The following ADGRV1 variants were observed in gnomAD, a reference collection of about 807,000 sequenced individuals.
ADGRV1 encodes G-protein coupled receptor 98.
ADGRV1 carries 359 observed loss-of-function variants against 596.2 expected under a neutral mutation model. That is an observed-to-expected ratio of 0.60 (90% CI 0.55 to 0.66). The LOEUF (loss-of-function observed/expected upper bound fraction) is 0.66. Among genes scored for constraint, ADGRV1 ranks in the 30% least tolerant of loss-of-function variants. ADGRV1 has a pLI of 0.00. For missense variants in ADGRV1, 7,274 were observed against 7,575.6 expected (o/e 0.96, Z 1.48); for synonymous variants, 2,681 against 2,679.2 (o/e 1.00, Z -0.02).
intron 23 of ADGRV1, 140 bp downstream of exon 23, chr5:90,674,374 A>G (rs1311918156): frequency 4.1e-6 from 2 of 483,968 alleles, no homozygotes; most frequent in East Asian, 3.2e-5. Context: ...TTTAACTTGT[A>G]TGCTACTGTT....
chr5:91,012,536 A>C (rs1479512338), intron 85 of ADGRV1, among the ~76,000 whole-genome samples: 2 of 151,418 alleles, frequency 1.3e-5, no homozygotes, highest in Non-Finnish European at 3.0e-5. Flanking sequence ...CTTACCACAT[A>C]TTTTCTTGTA....
chr5:90,765,663 T>C (rs535603210), intron 59 of ADGRV1, among the ~76,000 whole-genome samples: 1 of 152,248 alleles, frequency 6.6e-6, no homozygotes, highest in Non-Finnish European at 1.5e-5. Flanking sequence ...TGTTTTGAAA[T>C]GTACAATAGA....
chr5:90,968,727 C>T (rs868444668), intron 84 of ADGRV1, among the ~76,000 whole-genome samples: 7 of 152,050 alleles, frequency 4.6e-5, no homozygotes, highest in African/African-American at 1.2e-4. Context: ...TTCTAAAATC[C>T]GTTTTAAAAA....
intron 86 of ADGRV1, among the ~76,000 whole-genome samples, chr5:91,082,193 C>G (rs1250751763): frequency 6.6e-6 from 1 of 152,228 alleles, no homozygotes; most frequent in Non-Finnish European, 1.5e-5. Context: ...ACTGCCATGC[C>G]ATACCATGTT....
chr5:90,904,605 C>G (rs1391342758), intron 83 of ADGRV1, among the ~76,000 whole-genome samples: 2 of 151,168 alleles, frequency 1.3e-5, no homozygotes, highest in African/African-American at 4.9e-5. Flanking sequence ...ATTTTTTTTT[C>G]TAGAGAGTTG....
chr5:91,056,426 C>T (rs984572671), intron 85 of ADGRV1, among the ~76,000 whole-genome samples: 1 of 152,134 alleles, frequency 6.6e-6, no homozygotes, highest in Non-Finnish European at 1.5e-5. Context: ...ATAAAATCCA[C>T]TTTTCATCGC....
At chr5:90,868,890 T>A (rs1162037333) in intron 83 of ADGRV1, among the ~76,000 whole-genome samples, 2 of 152,148 alleles carry the variant, frequency 1.3e-5, no homozygotes, top group Non-Finnish European at 2.9e-5. Flanking sequence ...CATTCAACAT[T>A]CAATTGTGAA....
chr5:91,154,136 C>T (rs749745041), intron 89 of ADGRV1, among the ~76,000 whole-genome samples: 1 of 152,030 alleles, frequency 6.6e-6, no homozygotes, highest in Non-Finnish European at 1.5e-5. Flanking sequence ...AAAAGAAAAC[C>T]GTAAACTAAT....
chr5:91,005,364 G>GTATATA (rs200387484), intron 85 of ADGRV1, among the ~76,000 whole-genome samples: 2 of 146,140 alleles, frequency 1.4e-5, no homozygotes, highest in African/African-American at 5.2e-5. Context: ...CTATTGCTGT[G>GTATATA]TATATATATA....
chr5:90,647,514 G>A lies in ADGRV1; in HGVS notation c.3039G>A (p.Arg1013=), dbSNP rs1468079183. 6.2e-7 allele frequency: 1 copy of A among 1,612,488 alleles called. No individual in the cohort carries two copies. Among genetic ancestry groups the A allele is most frequent in the South Asian group, 1.1e-5 (1 of 90,920 alleles). The change falls in exon 17 of 90, where the codon AGG becomes AGA. Residue 1013 remains arginine (R), a synonymous_variant. Coordinates refer to ENST00000405460, the MANE Select transcript of ADGRV1 (RefSeq NM_032119.4). The stretch of plus-strand genomic sequence containing the variant: ...ATATTTCAGAACCTCGTGTAGTGAG[G>A]GTTCAGGAAGGTGAGACTGCCAACT... ...PIYFAEPRVV[R]VQEGETANFT...
intron 70 of ADGRV1, among the ~76,000 whole-genome samples, chr5:90,802,129 CTG>C (rs1761441332): frequency 6.6e-6 from 1 of 152,182 alleles, no homozygotes; most frequent in Non-Finnish European, 1.5e-5. Flanking sequence ...TGAACACTGC[CTG>C]TGTGGCTACT....
At chr5:90,866,039 A>G (rs1299861249) in intron 83 of ADGRV1, among the ~76,000 whole-genome samples, 2 of 152,156 alleles carry the variant, frequency 1.3e-5, no homozygotes, top group Non-Finnish European at 2.9e-5. Flanking sequence ...GGAAAATTCT[A>G]TAGCTGACCT....
chr5:91,102,450 C>A, intron 87 of ADGRV1, 110 bp downstream of exon 87: 1 of 870,372 alleles, frequency 1.1e-6, no homozygotes, highest in Non-Finnish European at 1.7e-6. Context: ...AATTTGTGTA[C>A]ATAATAACAT....
intron 85 of ADGRV1, among the ~76,000 whole-genome samples, chr5:91,014,521 T>G (rs1783018931): frequency 6.6e-6 from 1 of 151,852 alleles, no homozygotes; most frequent in Non-Finnish European, 1.5e-5. Context: ...TTTTTTTGTT[T>G]TTTGTTTTTT....
At chr5:90,949,330 G>A (rs1776867924) in intron 83 of ADGRV1, among the ~76,000 whole-genome samples, 1 of 152,098 alleles carries the variant, frequency 6.6e-6, no homozygotes, top group African/African-American at 2.4e-5. Flanking sequence ...ATAATTTAAG[G>A]TGAGTGCACC....
In ADGRV1 at chr5:90,689,879, C is replaced by T; in HGVS notation, c.6509C>T (p.Ala2170Val). Residue 2170 changes from alanine (A) to valine (V), a missense_variant, in exon 30 of 90, where the codon GCT becomes GTT. Physicochemically the swap from Ala to Val is moderately conservative, Grantham distance 64 (BLOSUM62 0). Coordinates refer to ENST00000405460, the MANE Select transcript of ADGRV1 (RefSeq NM_032119.4). ...TTTTCAGGTGAAGATTATAGTATAG[C>T]TTCATCAGATGTGGTCTTGCTAGAA... Reference protein sequence around the residue: ...TAIAGEDYSIASSDVVLLEGE... With the variant: ...TAIAGEDYSIVSSDVVLLEGE... The T allele has an allele frequency of 6.2e-7, 1 of 1,612,290 alleles. No homozygotes were observed. Among genetic ancestry groups the T allele is most frequent in the Non-Finnish European group, 8.5e-7 (1 of 1,178,836 alleles).
intron 79 of ADGRV1, among the ~76,000 whole-genome samples, chr5:90,852,765 CT>C (rs1253129331): frequency 6.6e-6 from 1 of 152,180 alleles, no homozygotes; most frequent in Non-Finnish European, 1.5e-5. Context: ...CTGTTCAGTG[CT>C]GTTTCTCTTA....
Position 90,638,441 on chromosome 5 carries a change from C to T in ADGRV1, c.2240+493C>T, listed in dbSNP as rs187596020. ...ATTTTCTAAAGAATCAAAAATTGCA[C>T]AAAATTAAGAGATACTTTTTCAGTA... On this transcript the variant is annotated intron_variant, in intron 11 of 89. Transcript: ENST00000405460. Among the ~76,000 whole-genome samples, 188 of 151,540 alleles carry T rather than the reference C, an allele frequency of 1.2e-3. 1 individual carries two copies. Among genetic ancestry groups the T allele is most frequent in the Admixed American group, 3.9e-3 (60 of 15,204 alleles).
chr5:90,959,303 G>T (rs767900067), intron 83 of ADGRV1, among the ~76,000 whole-genome samples: 8 of 151,806 alleles, frequency 5.3e-5, no homozygotes, highest in African/African-American at 1.7e-4. Flanking sequence ...TGTGAAGGAG[G>T]TATATGTGGA....
Sources: allele counts gnomAD v4.1 joint callset (sites outside exome capture counted in the v4.1 genomes callset), GRCh38; gene constraint gnomAD v4.1.1; transcripts MANE v1.5; gene names NCBI Gene and HGNC (gene_info 2026-07-23, HGNC 2026-07-21).